The following GIGYF2 variants were observed in gnomAD, a reference collection of about 807,000 sequenced individuals.
The protein encoded by GIGYF2 is GRB10-interacting GYF protein 2.
A neutral mutation model predicts 208.1 loss-of-function variants in GIGYF2; 25 were observed. The ratio of observed to expected loss-of-function variants is 0.12; its 90% CI spans 0.09 to 0.17. The LOEUF (loss-of-function observed/expected upper bound fraction) is 0.17. GIGYF2 is among the 10% of genes least tolerant of loss of function. GIGYF2 has a pLI of 1.00. For synonymous variants in GIGYF2, 534 were observed against 543.8 expected, an observed-to-expected ratio of 0.98 and a Z score of 0.25; for missense variants, 1,302 against 1,579.4, an observed-to-expected ratio of 0.82 and a Z score of 2.98.
At chr2:232,820,130 C>G (rs1023647787) in intron 21 of GIGYF2, 145 bp downstream of exon 21, 15 of 759,102 alleles carry the variant, frequency 2.0e-5, no homozygotes, top group Non-Finnish European at 3.1e-5. Context: ...GCTCTTATTA[C>G]TTCTGTCTAA....
intron 2 of GIGYF2, among the ~76,000 whole-genome samples, chr2:232,704,521 C>T (rs1186464660): frequency 6.6e-6 from 1 of 152,058 alleles, no homozygotes; most frequent in African/African-American, 2.4e-5. Flanking sequence ...TCTTGTGCCT[C>T]AGCCTCCTGA....
At chr2:232,746,048 C>T (rs185454128) in intron 3 of GIGYF2, among the ~76,000 whole-genome samples, 4 of 152,080 alleles carry the variant, frequency 2.6e-5, no homozygotes, top group Non-Finnish European at 4.4e-5. Context: ...GCTTGAGGCC[C>T]AGAGTTTGAG....
intron 14 of GIGYF2, 72 bp downstream of exon 14, chr2:232,796,293 GTTTAA>G (rs992127171): frequency 1.8e-5 from 18 of 1,001,504 alleles, no homozygotes; most frequent in South Asian, 5.1e-5. Context: ...GAAGGGATTT[GTTTAA>G]TTTAAATTAT....
intron 21 of GIGYF2, among the ~76,000 whole-genome samples, chr2:232,827,698 C>T (rs1404278379): frequency 1.3e-5 from 2 of 152,164 alleles, no homozygotes; most frequent in Admixed American, 1.3e-4. Flanking sequence ...ATTCCTGCCA[C>T]ACAGTTATTT....
At chr2:232,809,066 T>C (rs974437327) in intron 15 of GIGYF2, among the ~76,000 whole-genome samples, 5 of 152,184 alleles carry the variant, frequency 3.3e-5, no homozygotes, top group African/African-American at 1.2e-4. Flanking sequence ...TGTCTCAGCC[T>C]CCTGAATAGG....
chr2:232,847,852 A>G (rs1243443844), intron 27 of GIGYF2, among the ~76,000 whole-genome samples: 1 of 152,230 alleles, frequency 6.6e-6, no homozygotes, highest in Non-Finnish European at 1.5e-5. Context: ...CAACATGTCA[A>G]ACCCATAGAT....
chr2:232,777,948 T>G (rs1195995072), intron 8 of GIGYF2, among the ~76,000 whole-genome samples: 3 of 152,138 alleles, frequency 2.0e-5, no homozygotes, highest in Admixed American at 2.0e-4. Flanking sequence ...GTATATTTTT[T>G]ATTTTCATTT....
At position 232,845,845 on chromosome 2, in the gene GIGYF2, A is replaced by T. The variant is rs1218305870; in HGVS notation, c.3419A>T (p.Glu1140Val). 1.2e-6 allele frequency: 2 copies of T among 1,613,432 alleles called. No homozygotes were observed. Among genetic ancestry groups the T allele is most frequent in the Non-Finnish European group, 1.7e-6 (2 of 1,179,324 alleles). ...CAAGATGGATTTACGCAGTGGTGTGAACAGATGCTTCATGCCCTTAATACG... is the reference window on the plus strand; with the variant it reads ...CAAGATGGATTTACGCAGTGGTGTGTACAGATGCTTCATGCCCTTAATACG... ...KAQDGFTQWC[E>V]QMLHALNTAN... The change falls in exon 26 of 29, where the codon GAA (glutamate) becomes GTA (valine). Residue 1140 changes from glutamate (E) to valine (V), a missense_variant. Physicochemically the swap from Glu to Val is moderately radical, Grantham distance 121. Around this residue, in one of 8 missense-constraint regions of GIGYF2, gnomAD observed 701 missense variants for 793.0 expected, o/e 0.88. Coordinates refer to ENST00000373563, the MANE Select transcript of GIGYF2 (RefSeq NM_001103146.3).
intron 8 of GIGYF2, among the ~76,000 whole-genome samples, chr2:232,770,479 CAG>C (rs1422117514): frequency 1.3e-5 from 2 of 151,900 alleles, no homozygotes; most frequent in African/African-American, 4.8e-5. Flanking sequence ...AATTCTAGCT[CAG>C]TGAAGAAAAA....
At chr2:232,757,203 TG>T (rs200604305) in intron 6 of GIGYF2, among the ~76,000 whole-genome samples, 2,328 of 152,108 alleles carry the variant, frequency 0.015, 69 homozygotes, top group African/African-American at 0.053. Context: ...TGCATTCAAT[TG>T]TGCATTCCTG....
intron 21 of GIGYF2, among the ~76,000 whole-genome samples, chr2:232,824,781 G>A (rs892901942): frequency 9.2e-5 from 14 of 152,302 alleles, no homozygotes; most frequent in African/African-American, 3.4e-4. Flanking sequence ...ATATTATCTA[G>A]GACTTTCATA....
chr2:232,789,859 A>T (rs757541573), intron 9 of GIGYF2, among the ~76,000 whole-genome samples: 36 of 152,078 alleles, frequency 2.4e-4, no homozygotes, highest in Admixed American at 9.2e-4. Context: ...AAATATCTTA[A>T]GTAGGATCTC....
chr2:232,817,906 AT>A (rs1228719078), intron 20 of GIGYF2, among the ~76,000 whole-genome samples: 3 of 152,176 alleles, frequency 2.0e-5, no homozygotes, highest in Non-Finnish European at 4.4e-5. Flanking sequence ...GCTGGATCAT[AT>A]GGTCATTCTC....
In GIGYF2 at chr2:232,791,351, G is replaced by C; in HGVS notation, c.1187G>C (p.Arg396Thr). The change falls in exon 12 of 29, where the codon AGG becomes ACG. Residue 396 changes from arginine (R) to threonine (T), a missense_variant. Physicochemically the swap from Arg to Thr is moderately conservative, Grantham distance 71 (BLOSUM62 -1). Around this residue, in one of 8 missense-constraint regions of GIGYF2, gnomAD observed 235 missense variants for 218.8 expected, o/e 1.07. Transcript: ENST00000373563. ...TCTCAGGAAGCATCACAGTTTGAGA[G>C]GAAAGATGAACCAAAAACTGAGCAA... ...HQSQEASQFE[R>T]KDEPKTEQTE... is the part of the protein sequence containing the mutation. 6.2e-7 allele frequency: 1 copy of C among 1,614,050 alleles called. No homozygotes were observed. Among genetic ancestry groups the C allele is most frequent in the Non-Finnish European group, 8.5e-7 (1 of 1,179,946 alleles).
intron 16 of GIGYF2, 98 bp downstream of exon 16, chr2:232,809,909 C>T (rs761751649): frequency 2.0e-5 from 16 of 782,414 alleles, no homozygotes; most frequent in South Asian, 2.8e-5. Flanking sequence ...AGAGGACTAA[C>T]GGCTTATATG....
At position 232,836,381 on chromosome 2, in the gene GIGYF2, TAA is replaced by T. The variant is rs1491361935; in HGVS notation, c.2766+3290_2766+3291del. On this transcript the variant is annotated intron_variant, in intron 22 of 28. Transcript: ENST00000373563. ...ATATAAATATAAATATATATAAATATAAATATATATAAATATAAATATATATA... is the reference window on the plus strand; with the variant it reads ...ATATAAATATAAATATATATAAATATATATATATAAATATAAATATATATA... Among the ~76,000 whole-genome samples the T allele has an allele frequency of 7.1e-4, 33 of 46,588 alleles. 1 individual carries two copies. The highest frequency in any genetic ancestry group is 1.2e-3 in the Non-Finnish European group (30 of 25,032). 30.6% of individuals were successfully genotyped at this position (46,588 alleles called of 152,430 possible).
intron 22 of GIGYF2, among the ~76,000 whole-genome samples, chr2:232,834,252 G>T (rs1044053496): frequency 6.6e-6 from 1 of 152,128 alleles, no homozygotes; most frequent in East Asian, 1.9e-4. Context: ...ATACAGTATG[G>T]TGAGTATAGT....
At chr2:232,795,711 A>T (rs550069728) in intron 13 of GIGYF2, among the ~76,000 whole-genome samples, 1 of 152,234 alleles carries the variant, frequency 6.6e-6, no homozygotes, top group African/African-American at 2.4e-5. Flanking sequence ...CAGTCTGGAT[A>T]ACGTGATGAG....
At position 232,768,297 on chromosome 2, in the gene GIGYF2, G is replaced by A; in HGVS notation, c.532+6861G>A. 1 of 1,614,102 alleles carries A rather than the reference G, an allele frequency of 6.2e-7. No individual in the cohort carries two copies. Among genetic ancestry groups the A allele is most frequent in the Non-Finnish European group, 8.5e-7 (1 of 1,180,002 alleles). ...TGGGCTTTTAGAAACCAGAGGAGTT[G>A]GAAATTCAGGGACAGTCTTGTCAAA... On this transcript the variant is annotated intron_variant, in intron 8 of 28. Transcript: ENST00000373563.
Sources: allele counts gnomAD v4.1 joint callset (sites outside exome capture counted in the v4.1 genomes callset), GRCh38; gene constraint gnomAD v4.1.1; regional missense constraint gnomAD v4.1.1; transcripts MANE v1.5; gene names NCBI Gene and HGNC (gene_info 2026-07-23, HGNC 2026-07-21).